The following RALGAPA2 variants were observed in gnomAD, a reference collection of about 807,000 sequenced individuals.
RALGAPA2 encodes the protein ral GTPase-activating protein subunit alpha-2.
A neutral mutation model predicts 230.4 loss-of-function variants in RALGAPA2; 139 were observed. The observed-to-expected ratio is 0.60, with a 90% CI of 0.53 to 0.69. RALGAPA2 has a LOEUF of 0.69. Ranked by LOEUF, RALGAPA2 falls within the 30% of genes least tolerant of loss-of-function variation. RALGAPA2 has a pLI of 0.00. For synonymous variants in RALGAPA2, 847 were observed against 837.8 expected, an observed-to-expected ratio of 1.01 and a Z score of -0.19; for missense variants, 2,163 against 2,276.0, an observed-to-expected ratio of 0.95 and a Z score of 1.01.
intron 36 of RALGAPA2, among the ~76,000 whole-genome samples, chr20:20,489,472 T>C (rs1422245056): frequency 2.6e-5 from 4 of 151,384 alleles, no homozygotes; most frequent in Admixed American, 6.6e-5. Flanking sequence ...ATTTAAAAAA[T>C]ATTCTATATA....
intron 2 of RALGAPA2, among the ~76,000 whole-genome samples, chr20:20,678,693 T>G (rs1390202141): frequency 6.6e-6 from 1 of 152,018 alleles, no homozygotes; most frequent in African/African-American, 2.4e-5. Context: ...TCAATAACCT[T>G]CCCGTGACCA....
chr20:20,676,760 C>A (rs2068337627), intron 2 of RALGAPA2, among the ~76,000 whole-genome samples: 1 of 152,164 alleles, frequency 6.6e-6, no homozygotes, highest in Non-Finnish European at 1.5e-5. Flanking sequence ...CTGAGGTTAC[C>A]ATTTTCGGTC....
At chr20:20,510,527 GTT>G (rs563566624) in intron 33 of RALGAPA2, among the ~76,000 whole-genome samples, 1 of 143,936 alleles carries the variant, frequency 6.9e-6, no homozygotes, top group Non-Finnish European at 1.5e-5. Flanking sequence ...TAAAAGTGGT[GTT>G]TTTTTTTTTT....
intron 24 of RALGAPA2, among the ~76,000 whole-genome samples, chr20:20,539,465 G>A (rs2063581922): frequency 6.6e-6 from 1 of 151,894 alleles, no homozygotes; most frequent in Non-Finnish European, 1.5e-5. Flanking sequence ...TTAATTTTGT[G>A]TTGATTCTTT....
intron 37 of RALGAPA2, among the ~76,000 whole-genome samples, chr20:20,466,792 C>T (rs1043974785): frequency 4.6e-5 from 7 of 152,214 alleles, no homozygotes; most frequent in Admixed American, 6.5e-5. Context: ...ACAATGACTG[C>T]TATGAAACCA....
chr20:20,495,242 C>T lies in RALGAPA2; in HGVS notation c.5242G>A (p.Val1748Ile), dbSNP rs750763533. Residue 1748 changes from valine to isoleucine, a missense_variant, in exon 36 of 40, where the codon GTC becomes ATC. Coordinates refer to ENST00000202677, the MANE Select transcript of RALGAPA2 (RefSeq NM_020343.4). ...RHLGNDEVHI[V>I]WSEHSRDYRR... Reference sequence around the variant, plus strand: ...TAGTCTCTGGAGTGTTCAGACCAGACGATATGGACCTCGTCATTCCCCAAG... The same window carrying T: ...TAGTCTCTGGAGTGTTCAGACCAGATGATATGGACCTCGTCATTCCCCAAG... The T allele has an allele frequency of 2.1e-5, 32 of 1,555,918 alleles. No homozygotes were observed. The highest frequency in any genetic ancestry group is 1.1e-4 in the South Asian group (9 of 82,806).
intron 23 of RALGAPA2, among the ~76,000 whole-genome samples, chr20:20,567,737 A>C (rs1025032435): frequency 1.3e-5 from 2 of 151,832 alleles, no homozygotes; most frequent in Non-Finnish European, 2.9e-5. Flanking sequence ...TCACACCTGT[A>C]ATCCCAGCAT....
intron 3 of RALGAPA2, among the ~76,000 whole-genome samples, chr20:20,674,857 A>G (rs956741148): frequency 7.2e-5 from 11 of 152,224 alleles, no homozygotes; most frequent in Non-Finnish European, 1.5e-4. Flanking sequence ...AAAGAGAATG[A>G]TAAAATGCAG....
At position 20,473,036 on chromosome 20, in the gene RALGAPA2, C is replaced by T; in HGVS notation, c.5368-80G>A. ...AGATATGAGAGTAGCTGACTGATGT[C>T]AGACCTGCAATGAGCACTTAAGCTG... On this transcript the variant is annotated intron_variant, in intron 36 of 39. Transcript: ENST00000202677. 4 of 1,440,040 alleles carry T rather than the reference C, an allele frequency of 2.8e-6. No homozygotes were observed. The South Asian group carries it at 5.4e-5, about 19-fold the overall frequency. The allele number at this position is 1,440,040 out of a possible 1,614,324, so 89.2% of individuals were successfully genotyped here.
intron 3 of RALGAPA2, among the ~76,000 whole-genome samples, chr20:20,664,502 C>T (rs2067892007): frequency 6.6e-6 from 1 of 152,098 alleles, no homozygotes; most frequent in Non-Finnish European, 1.5e-5. Flanking sequence ...ATAAAGCATT[C>T]ACTAAAACAG....
In RALGAPA2 at chr20:20,465,695, G is replaced by A. The variant is rs144544710; in HGVS notation, c.5495+7134C>T. Among the ~76,000 whole-genome samples the A allele has an allele frequency of 3.4e-3, 518 of 152,184 alleles. 1 individual carries two copies. Among genetic ancestry groups the A allele is most frequent in the Non-Finnish European group, 4.7e-3 (320 of 67,996 alleles). ...ATAGCAGAGTGTACCACCTTCTCTC[G>A]AGATTTCTCCTGCACCTTCGCACTT... On this transcript the variant is annotated intron_variant, in intron 37 of 39. Coordinates refer to ENST00000202677, the MANE Select transcript of RALGAPA2 (RefSeq NM_020343.4).
intron 36 of RALGAPA2, among the ~76,000 whole-genome samples, chr20:20,489,676 G>A (rs1046547770): frequency 6.6e-6 from 1 of 152,102 alleles, no homozygotes; most frequent in African/African-American, 2.4e-5. Context: ...GGCAATGAGC[G>A]CTCTTTCCTT....
At chr20:20,569,148 C>G (rs2064543856) in intron 23 of RALGAPA2, among the ~76,000 whole-genome samples, 1 of 152,118 alleles carries the variant, frequency 6.6e-6, no homozygotes, top group Admixed American at 6.5e-5. Context: ...CCACTATGAT[C>G]TATTTAGACG....
chr20:20,605,156 C>T lies in RALGAPA2; in HGVS notation c.2038+19G>A. On this transcript the variant is annotated intron_variant, in intron 15 of 39. Transcript: ENST00000202677. ...CCCAGTCCTAGACATCTGGTGTTAACCTGGAAGAGTGGAAATACCTTTGCC... is the reference window on the plus strand; with the variant it reads ...CCCAGTCCTAGACATCTGGTGTTAATCTGGAAGAGTGGAAATACCTTTGCC... 1.9e-6 allele frequency: 3 copies of T among 1,564,118 alleles called. No homozygotes were observed. Among genetic ancestry groups the T allele is most frequent in the Non-Finnish European group, 2.6e-6 (3 of 1,142,702 alleles).
chr20:20,439,211 G>GT (rs1332894623), intron 37 of RALGAPA2, among the ~76,000 whole-genome samples: 1 of 151,460 alleles, frequency 6.6e-6, no homozygotes, highest in African/African-American at 2.4e-5. Context: ...AGCAGTCCTG[G>GT]TTTTAGTTTT....
intron 1 of RALGAPA2, among the ~76,000 whole-genome samples, chr20:20,685,468 T>C (rs191616314): frequency 6.6e-6 from 1 of 151,974 alleles, no homozygotes; most frequent in East Asian, 1.9e-4. Flanking sequence ...CATAGCCCAA[T>C]GAAATAGATG....
At chr20:20,432,561 A>G (rs553734835) in intron 37 of RALGAPA2, among the ~76,000 whole-genome samples, 105 of 152,332 alleles carry the variant, frequency 6.9e-4, no homozygotes, top group Middle Eastern at 3.4e-3. Context: ...AAGAAAATTA[A>G]AAACAAGAGC....
Position 20,512,880 on chromosome 20 carries a change from A to T in RALGAPA2, c.4489T>A (p.Ser1497Thr). Residue 1497 changes from serine to threonine, a missense_variant, in exon 32 of 40, where the codon TCG becomes ACG. Transcript: ENST00000202677. ...CCAAATGTGTCACGATGCCAGCTCG[A>T]AATCAGAAATGAAGGATTTCTTCCA... ...PNGRNPSFLI[S>T]SWHRDTFGPQ... 6.2e-7 allele frequency: 1 copy of T among 1,613,932 alleles called. No individual in the cohort carries two copies. Among genetic ancestry groups the T allele is most frequent in the Non-Finnish European group, 8.5e-7 (1 of 1,179,794 alleles).
chr20:20,568,431 T>C (rs2064519199), intron 23 of RALGAPA2, among the ~76,000 whole-genome samples: 1 of 152,222 alleles, frequency 6.6e-6, no homozygotes, highest in Admixed American at 6.5e-5. Flanking sequence ...GGCTGTTTGG[T>C]ATATGTATTA....
Sources: allele counts gnomAD v4.1 joint callset (sites outside exome capture counted in the v4.1 genomes callset), GRCh38; gene constraint gnomAD v4.1.1; transcripts MANE v1.5; gene names NCBI Gene and HGNC (gene_info 2026-07-23, HGNC 2026-07-21).